The following MGST1 variants were observed in gnomAD, a reference collection of about 807,000 sequenced individuals.
MGST1 encodes microsomal glutathione S-transferase 1.
MGST1 carries 5 observed loss-of-function variants against 8.9 expected under a neutral mutation model. That is an observed-to-expected ratio of 0.56 (90% CI 0.29 to 1.19). The LOEUF (loss-of-function observed/expected upper bound fraction) is 1.19, where lower values mean the gene tolerates loss of function less well. Ranked by LOEUF, MGST1 falls within the 50% of genes most tolerant of loss-of-function variation. The probability of loss-of-function intolerance (pLI) is 0.08; values close to 1 mark genes in which losing one functional copy is unlikely to be tolerated. For synonymous variants in MGST1, 54 were observed against 67.8 expected (o/e 0.80, Z 1.00); for missense variants, 182 against 187.4 (o/e 0.97, Z 0.17).
intron 4 of MGST1, among the ~76,000 whole-genome samples, chr12:16,505,405 G>T (rs1263952037): frequency 6.6e-6 from 1 of 152,110 alleles, no homozygotes; most frequent in Non-Finnish European, 1.5e-5. Context: ...CCTTCAGCTT[G>T]TCAGGTTCTT....
chr12:16,355,687 A>C (rs1007720331), intron 2 of MGST1, among the ~76,000 whole-genome samples: 3 of 152,168 alleles, frequency 2.0e-5, no homozygotes, highest in Non-Finnish European at 4.4e-5. Flanking sequence ...AGGGAATTCA[A>C]ATTTGGAGAG....
chr12:16,538,250 C>T (rs1262863631), intron 4 of MGST1, among the ~76,000 whole-genome samples: 19 of 152,202 alleles, frequency 1.2e-4, no homozygotes, highest in Non-Finnish European at 1.5e-5. Context: ...CCAAGTTCCT[C>T]ATCTCCATCT....
At chr12:16,367,266 G>C (rs1368741551), downstream of MGST1, 1 of 152,110 alleles carries the variant, frequency 6.6e-6, no homozygotes, top group Admixed American at 6.5e-5. Flanking sequence ...AGAGATCCTT[G>C]TTGAATTAAT....
At chr12:16,443,480 C>G (rs1034528993), downstream of MGST1, among the ~76,000 whole-genome samples, 1 of 151,396 alleles carries the variant, frequency 6.6e-6, no homozygotes, top group Non-Finnish European at 1.5e-5. Context: ...ATTTTATCTC[C>G]TCTATTAGCT....
At chr12:16,376,266 A>G in exon 4 of MGST1, 2 of 567,626 alleles carry the variant, frequency 3.5e-6, no homozygotes, top group South Asian at 2.4e-5. Context: ...TCAACATCTA[A>G]TGAGTTAATG....
downstream of MGST1, among the ~76,000 whole-genome samples, chr12:16,443,125 C>A (rs1056371966): frequency 6.6e-6 from 1 of 151,682 alleles, no homozygotes; most frequent in East Asian, 1.9e-4. Flanking sequence ...CTTTCTTGTG[C>A]TACTTCTTAC....
downstream of MGST1, among the ~76,000 whole-genome samples, chr12:16,365,914 G>A (rs972822813): frequency 9.9e-5 from 15 of 152,208 alleles, no homozygotes. Context: ...TTTCCCATGT[G>A]TGAATTATCT....
downstream of MGST1, among the ~76,000 whole-genome samples, chr12:16,380,383 CTTCAT>C (rs1247028914): frequency 6.6e-6 from 1 of 152,128 alleles, no homozygotes; most frequent in Non-Finnish European, 1.5e-5. Context: ...TTATTTCTGC[CTTCAT>C]TTCATTATTT....
chr12:16,481,579 ATAAT>A (rs1236466539), intron 4 of MGST1, among the ~76,000 whole-genome samples: 2 of 152,236 alleles, frequency 1.3e-5, no homozygotes, highest in Non-Finnish European at 2.9e-5. Flanking sequence ...AAAATTTATA[ATAAT>A]TAACACTACA....
At chr12:16,396,853 C>T (rs559952075) in intron 1 of MGST1, among the ~76,000 whole-genome samples, 60 of 152,118 alleles carry the variant, frequency 3.9e-4, no homozygotes, top group Admixed American at 8.5e-4. Context: ...TGAAAACGAC[C>T]ATACTGCCAA....
rs144689282 is a variant in MGST1, at chr12:16,400,183, G to A, written n.778+16579G>A. 761 of 1,100,558 alleles carry A rather than the reference G, an allele frequency of 6.9e-4. 4 individuals are homozygous for A. The East Asian group carries it at 0.017, about 24-fold the overall frequency. The allele number at this position is 1,100,558 out of a possible 1,614,324, so 68.2% of individuals were successfully genotyped here. On this transcript the variant is annotated intron_variant and non_coding_transcript_variant, in intron 1 of 1. Transcript: ENST00000359720. ...CATATGTTGATGTTTCCCTAAGTCC[G>A]TGGTTGTCTCTCCCACTTCTGTGTA...
chr12:16,416,430 A>C (rs2137079549), intron 1 of MGST1, among the ~76,000 whole-genome samples: 1 of 152,288 alleles, frequency 6.6e-6, no homozygotes. Flanking sequence ...AGATACCATA[A>C]CCTGGAGTGG....
intron 4 of MGST1, among the ~76,000 whole-genome samples, chr12:16,526,088 G>T (rs1208146399): frequency 2.7e-5 from 4 of 146,206 alleles, no homozygotes; most frequent in African/African-American, 5.3e-5. Context: ...CTCCCATTTT[G>T]TAGGTTGCCT....
At chr12:16,487,643 C>A (rs753280910) in intron 4 of MGST1, among the ~76,000 whole-genome samples, 1 of 152,054 alleles carries the variant, frequency 6.6e-6, no homozygotes, top group African/African-American at 2.4e-5. Context: ...TCTTCTAGAT[C>A]AAGTGATAGA....
intron 3 of MGST1, among the ~76,000 whole-genome samples, chr12:16,358,724 T>C (rs988337893): frequency 6.9e-6 from 1 of 145,724 alleles, no homozygotes; most frequent in Non-Finnish European, 1.5e-5. Context: ...CACCTTGGCC[T>C]CCCAAAGTGC....
chr12:16,395,794 T>TAC (rs71054815), intron 1 of MGST1, among the ~76,000 whole-genome samples: 25,937 of 133,118 alleles, frequency 0.19, 2,989 homozygotes, highest in East Asian at 0.27. Flanking sequence ...TATATATATA[T>TAC]ATATATATAT....
downstream of MGST1, among the ~76,000 whole-genome samples, chr12:16,442,603 G>C (rs1364171272): frequency 1.3e-5 from 2 of 151,782 alleles, no homozygotes; most frequent in East Asian, 3.9e-4. The surrounding 1 kb of genome is among the most constrained non-coding windows in gnomAD (Gnocchi z 4.5). Flanking sequence ...TTGCTCTTTT[G>C]TTAAAGATCA....
chr12:16,474,381 T>C (rs189553163), intron 4 of MGST1, among the ~76,000 whole-genome samples: 16 of 152,350 alleles, frequency 1.1e-4, no homozygotes, highest in African/African-American at 3.6e-4. Flanking sequence ...CATTGTCAAT[T>C]CTGATACTTC....
rs892288553 is a variant in MGST1 at position 16,389,102 on chromosome 12, G to A, written n.778+5498G>A. Reference sequence around the variant, plus strand: ...AGACAAATACAGGTGGCATAGGGATGGTAAATACCTTGCACTGGGATTCGT... The same window carrying A: ...AGACAAATACAGGTGGCATAGGGATAGTAAATACCTTGCACTGGGATTCGT... On this transcript the variant is annotated intron_variant and non_coding_transcript_variant, in intron 1 of 1. Transcript: ENST00000359720. This position sits in a 1 kb window ranked among gnomAD's most constrained non-coding sequence, Gnocchi z 4.6. Among the ~76,000 whole-genome samples the A allele has an allele frequency of 2.0e-5, 3 of 152,168 alleles. No individual in the cohort carries two copies. The highest frequency in any genetic ancestry group is 2.9e-5 in the Non-Finnish European group (2 of 68,030).
Sources: gnomAD v4.1 joint callset for allele counts (sites outside exome capture counted in the v4.1 genomes callset) on GRCh38, gnomAD v4.1.1 for gene constraint, Gnocchi (gnomAD v3.1) non-coding constraint, MANE v1.5 for transcripts, NCBI Gene and HGNC (gene_info 2026-07-23, HGNC 2026-07-21) for gene names.